The following PARD3 variants were observed in gnomAD, a reference collection of about 807,000 sequenced individuals.
The protein encoded by PARD3 is par-3 family cell polarity regulator.
A neutral mutation model predicts 155.4 loss-of-function variants in PARD3; 75 were observed. The observed-to-expected ratio is 0.48, with a 90% CI of 0.40 to 0.58. PARD3 has a LOEUF of 0.58. Ranked by LOEUF, PARD3 falls within the 20% of genes least tolerant of loss-of-function variation. The pLI, the probability that PARD3 is intolerant of heterozygous loss-of-function variation, is 0.00. For synonymous variants in PARD3, 576 were observed against 610.5 expected (o/e 0.94, Z 0.83); for missense variants, 1,642 against 1,721.7 (o/e 0.95, Z 0.82).
intron 14 of PARD3, among the ~76,000 whole-genome samples, chr10:34,348,721 A>C (rs1165025110): frequency 1.3e-5 from 2 of 152,206 alleles, no homozygotes; most frequent in Admixed American, 6.5e-5. Context: ...ATGTTTAAGT[A>C]CAAGATAGTA....
At chr10:34,813,645 C>T (rs959612923) in intron 1 of PARD3, among the ~76,000 whole-genome samples, 1 of 152,178 alleles carries the variant, frequency 6.6e-6, no homozygotes, top group Non-Finnish European at 1.5e-5. Flanking sequence ...CCAATATATA[C>T]TAAAAGCAAA....
chr10:34,651,635 G>T (rs542536260), intron 2 of PARD3, among the ~76,000 whole-genome samples: 10 of 152,274 alleles, frequency 6.6e-5, no homozygotes, highest in African/African-American at 2.4e-4. Flanking sequence ...CATGCTGGTT[G>T]TTTTTTTGTA....
chr10:34,810,987 C>A (rs969808625), intron 1 of PARD3, among the ~76,000 whole-genome samples: 2 of 152,148 alleles, frequency 1.3e-5, no homozygotes, highest in East Asian at 1.9e-4. Context: ...CAAACCCAAT[C>A]CAAAGCTCCC....
intron 1 of PARD3, among the ~76,000 whole-genome samples, chr10:34,750,877 C>G (rs965945523): frequency 6.6e-6 from 1 of 152,000 alleles, no homozygotes; most frequent in Non-Finnish European, 1.5e-5. Flanking sequence ...TTAGTAGAGA[C>G]GGGGTTTTGC....
chr10:34,370,807 GGTGTGTGTGTGTGTGTGT>G (rs3040369), intron 12 of PARD3, among the ~76,000 whole-genome samples: 7 of 145,568 alleles, frequency 4.8e-5, no homozygotes, highest in Non-Finnish European at 7.6e-5. Flanking sequence ...ATACAAATGG[GGTGTGTGTGTGTGTGTGT>G]GTGTGTGTGT....
chr10:34,325,919 A>C (rs140094790), intron 19 of PARD3, among the ~76,000 whole-genome samples: 4,065 of 152,156 alleles, frequency 0.027, 68 homozygotes, highest in East Asian at 0.061. Flanking sequence ...TCAGGAGTTC[A>C]AGACCAGCCT....
intron 12 of PARD3, among the ~76,000 whole-genome samples, chr10:34,363,423 T>C (rs980048546): frequency 6.6e-5 from 10 of 152,226 alleles, no homozygotes; most frequent in African/African-American, 9.6e-5. Context: ...ATGTGAAACA[T>C]TGTATGTTTC....
chr10:34,334,267 G>GA (rs1001421446), intron 18 of PARD3, among the ~76,000 whole-genome samples: 19 of 107,708 alleles, frequency 1.8e-4, no homozygotes, highest in African/African-American at 5.5e-4. Flanking sequence ...CCTAAATATG[G>GA]AAAAAAAAAG....
At chr10:34,513,921 T>C (rs1004769847) in intron 3 of PARD3, among the ~76,000 whole-genome samples, 6 of 152,164 alleles carry the variant, frequency 3.9e-5, no homozygotes, top group Non-Finnish European at 5.9e-5. Flanking sequence ...CTGATAAATG[T>C]TCCTTGGGGA....
chr10:34,597,460 CT>C (rs2089388896), intron 2 of PARD3, among the ~76,000 whole-genome samples: 1 of 151,994 alleles, frequency 6.6e-6, no homozygotes, highest in African/African-American at 2.4e-5. Flanking sequence ...CAAGGTCTCA[CT>C]GTGTCACCCA....
chr10:34,252,537 A>G (rs914481064), intron 22 of PARD3, among the ~76,000 whole-genome samples: 5 of 151,992 alleles, frequency 3.3e-5, no homozygotes, highest in African/African-American at 1.2e-4. Context: ...GTCTGCACAC[A>G]CCTGTCTCTA....
intron 2 of PARD3, among the ~76,000 whole-genome samples, chr10:34,655,382 C>G (rs144939068): frequency 3.3e-4 from 50 of 152,194 alleles, no homozygotes; most frequent in Non-Finnish European, 6.3e-4. Context: ...GTATAACACA[C>G]AATAAGCACT....
At chr10:34,417,158 G>A (rs1460734299) in intron 5 of PARD3, among the ~76,000 whole-genome samples, 1 of 150,920 alleles carries the variant, frequency 6.6e-6, no homozygotes, top group Admixed American at 6.6e-5. Flanking sequence ...CAAGCCTTTG[G>A]GGAGACTGAC....
intron 16 of PARD3, among the ~76,000 whole-genome samples, chr10:34,340,366 A>G (rs982543849): frequency 1.3e-5 from 2 of 152,082 alleles, no homozygotes; most frequent in Non-Finnish European, 2.9e-5. Context: ...TCAGAAAGAG[A>G]TATGAGACAC....
chr10:34,694,470 C>CTTT (rs34628015), intron 2 of PARD3, among the ~76,000 whole-genome samples: 1,616 of 101,870 alleles, frequency 0.016, 55 homozygotes, highest in African/African-American at 0.061. Context: ...AAAACTTCTG[C>CTTT]TTTTTTTTTT....
intron 2 of PARD3, among the ~76,000 whole-genome samples, chr10:34,681,225 C>T (rs1286207189): frequency 6.6e-6 from 1 of 151,912 alleles, no homozygotes; most frequent in Non-Finnish European, 1.5e-5. Flanking sequence ...AAATAAAGGC[C>T]CATAAAACAC....
At chr10:34,309,642 G>T (rs1476123640) in intron 20 of PARD3, among the ~76,000 whole-genome samples, 2 of 150,382 alleles carry the variant, frequency 1.3e-5, no homozygotes, top group East Asian at 4.0e-4. Flanking sequence ...ACATTGTTGG[G>T]GCAATGTCCT....
intron 5 of PARD3, among the ~76,000 whole-genome samples, chr10:34,411,627 T>C (rs920322546): frequency 1.3e-5 from 2 of 152,092 alleles, no homozygotes; most frequent in African/African-American, 4.8e-5. Flanking sequence ...CTGGGGGTCC[T>C]GCTTGGTGAC....
intron 1 of PARD3, among the ~76,000 whole-genome samples, chr10:34,733,114 T>C (rs1201196355): frequency 6.6e-6 from 1 of 152,176 alleles, no homozygotes; most frequent in Admixed American, 6.5e-5. Flanking sequence ...CCTCTATCAA[T>C]GGAAAACATA....
Sources: allele counts gnomAD v4.1 joint callset (sites outside exome capture counted in the v4.1 genomes callset), GRCh38; gene constraint gnomAD v4.1.1; transcripts MANE v1.5; gene names NCBI Gene and HGNC (gene_info 2026-07-23, HGNC 2026-07-21).